The following CSF2RA variants were observed in gnomAD, a reference collection of about 807,000 sequenced individuals.
CSF2RA encodes colony stimulating factor 2 receptor subunit alpha.
CSF2RA carries 42 observed loss-of-function variants against 51.6 expected under a neutral mutation model. The observed-to-expected ratio is 0.81, with a 90% confidence interval of 0.64 to 1.05. The LOEUF is 1.05. Ranked by LOEUF, CSF2RA falls within the 50% of genes least tolerant of loss-of-function variation. The pLI is 0.00. For missense variants in CSF2RA, 530 were observed against 501.1 expected (o/e 1.06, Z -0.55); for synonymous variants, 222 against 193.0 (o/e 1.15, Z -1.24).
Position 1,282,662 on chromosome X carries a change from A to C in CSF2RA, c.-26-16A>C, listed in dbSNP as rs752315463. ...AGAGGCAACCTTCTCACTGTGTGAT[A>C]TTTTCTCTCCTGCAGCTCTTCCCTT... On this transcript the variant is annotated splice_polypyrimidine_tract_variant and intron_variant, in intron 2 of 12. Coordinates refer to ENST00000381529, the MANE Select transcript of CSF2RA (RefSeq NM_172245.4). 1 of 1,560,784 alleles carries C rather than the reference A, an allele frequency of 6.4e-7. No homozygotes were observed. The highest frequency in any genetic ancestry group is 8.8e-7 in the Non-Finnish European group (1 of 1,131,640).
At chrX:1,277,012 C>T (rs1159698861) in intron 2 of CSF2RA, among the ~76,000 whole-genome samples, 4 of 151,204 alleles carry the variant, frequency 2.6e-5, no homozygotes, top group Non-Finnish European at 4.4e-5. Flanking sequence ...GGCAGGAGGA[C>T]CACTTGAACC....
At chrX:1,295,161 C>T (rs755250326) in intron 8 of CSF2RA, among the ~76,000 whole-genome samples, 18 of 151,994 alleles carry the variant, frequency 1.2e-4, no homozygotes, top group Admixed American at 1.1e-3. Context: ...TCTACCTGGA[C>T]GACAGGAGAA....
intron 3 of CSF2RA, 108 bp from the exon 4 acceptor site, chrX:1,285,670 C>G: frequency 7.4e-7 from 1 of 1,354,626 alleles, no homozygotes; most frequent in Non-Finnish European, 1.0e-6. Context: ...GCACTGCACT[C>G]CAGCCTGGGA....
intron 10 of CSF2RA, among the ~76,000 whole-genome samples, chrX:1,301,902 G>GTCCGGGGAAGCTCTCTTCAAAGCCA (rs1307630963): frequency 7.0e-6 from 1 of 141,916 alleles, no homozygotes; most frequent in East Asian, 2.1e-4. Context: ...CACCGTGCCC[G>GTCCGGGGAAGCTCTCTTCAAAGCCA]GCCCTCCCTC....
Position 1,309,566 on chromosome X carries a change from A to G in CSF2RA, c.*87A>G, listed in dbSNP as rs757080238. On this transcript the variant is annotated 3_prime_UTR_variant, in exon 13 of 13. Coordinates refer to ENST00000381529, the MANE Select transcript of CSF2RA (RefSeq NM_172245.4). Reference sequence around the variant, plus strand: ...TCTTGATGATGCTGTGAACCTTTATATCATTTTCTATGTTTTTATTTAAAA... The same window carrying G: ...TCTTGATGATGCTGTGAACCTTTATGTCATTTTCTATGTTTTTATTTAAAA... The G allele has an allele frequency of 6.2e-7, 1 of 1,613,896 alleles. No homozygotes were observed. The highest frequency in any genetic ancestry group is 1.7e-4 in the Middle Eastern group (1 of 6,056).
chrX:1,303,441 T>A (rs2083216873), intron 10 of CSF2RA: 2 of 424,180 alleles, frequency 4.7e-6, no homozygotes, highest in Non-Finnish European at 8.3e-6. Flanking sequence ...GGTTTCACCA[T>A]GTTAGTGAGG....
At chrX:1,287,568 T>G (rs868081697) in intron 4 of CSF2RA, among the ~76,000 whole-genome samples, 1 of 123,092 alleles carries the variant, frequency 8.1e-6, no homozygotes, top group Non-Finnish European at 1.8e-5. Context: ...CTCAGCCTCC[T>G]GAGTAGCTGG....
intron 4 of CSF2RA, among the ~76,000 whole-genome samples, chrX:1,286,570 C>CAA (rs751865388): frequency 7.0e-6 from 1 of 142,804 alleles, no homozygotes; most frequent in Non-Finnish European, 1.5e-5. Context: ...ACTCTGTCTC[C>CAA]AAAAAAAAAA....
intron 4 of CSF2RA, 129 bp from the exon 5 acceptor site, chrX:1,288,387 CGGG>C: frequency 1.1e-6 from 1 of 923,510 alleles, no homozygotes; most frequent in East Asian, 2.8e-5. Context: ...GAGGCTGAGG[CGGG>C]AGAATTGCTT....
the CSF2RA span, among the ~76,000 whole-genome samples, chrX:1,322,846 T>C: frequency 6.6e-6 from 1 of 151,968 alleles, no homozygotes; most frequent in Non-Finnish European, 1.5e-5. Flanking sequence ...AATCTGAAGA[T>C]TGGCCGGGCG....
At chrX:1,302,133 C>T (rs1490420191) in intron 10 of CSF2RA, among the ~76,000 whole-genome samples, 2 of 151,592 alleles carry the variant, frequency 1.3e-5, no homozygotes, top group East Asian at 3.9e-4. Context: ...TCAGGCTGTT[C>T]TTGAACTCCT....
intron 2 of CSF2RA, among the ~76,000 whole-genome samples, chrX:1,281,411 ACTC>A (rs2090049160): frequency 8.5e-5 from 1 of 11,738 alleles, no homozygotes; most frequent in African/African-American, 4.3e-4. Context: ...GCCTTCTCCT[ACTC>A]CTCCTTCTCC....
rs187356118 is a variant in CSF2RA at position 1,296,144 on chromosome X, C to G, written c.810+688C>G. The stretch of plus-strand genomic sequence containing the variant: ...AAACCTACAGTCCCCTACCCATGAC[C>G]CCTGGAGTAACCCTACAGTCCCCTA... On this transcript the variant is annotated intron_variant, in intron 9 of 12. Coordinates refer to ENST00000381529, the MANE Select transcript of CSF2RA (RefSeq NM_172245.4). 1.1e-3 allele frequency among the ~76,000 whole-genome samples: 174 copies of G among 151,414 alleles called. 1 individual carries two copies. Among genetic ancestry groups the G allele is most frequent in the African/African-American group, 4.1e-3 (169 of 41,208 alleles).
chrX:1,316,569 C>G, the CSF2RA span, among the ~76,000 whole-genome samples: 1 of 152,282 alleles, frequency 6.6e-6, no homozygotes, highest in South Asian at 2.1e-4. Context: ...GTCTAACAAG[C>G]GACAGGAGAA....
At position 1,278,723 on chromosome X, in the gene CSF2RA, A is replaced by G. The variant is rs147546219; in HGVS notation, c.-27+3905A>G. 2.8e-3 allele frequency among the ~76,000 whole-genome samples: 416 copies of G among 147,152 alleles called. 8 individuals are homozygous for G. Among genetic ancestry groups the G allele is most frequent in the African/African-American group, 9.5e-3 (382 of 40,044 alleles). On this transcript the variant is annotated intron_variant, in intron 2 of 12. Transcript: ENST00000381529. ...ATTCAGGGCAAGCAAGTTTATTATG[A>G]AAGTAAAATAGTGAAAGACTAGGTA...
chrX:1,275,283 C>A (rs1216510916), intron 2 of CSF2RA, among the ~76,000 whole-genome samples: 1 of 151,764 alleles, frequency 6.6e-6, no homozygotes, highest in Non-Finnish European at 1.5e-5. Flanking sequence ...CCCAGCTACT[C>A]CGGAGGCCGA....
downstream of CSF2RA, among the ~76,000 whole-genome samples, chrX:1,314,948 T>TCTGTGCCTGCCCAATCCCA (rs2084492471): frequency 2.9e-5 from 1 of 35,040 alleles, no homozygotes; most frequent in African/African-American, 1.2e-4. Flanking sequence ...GCCCAACCCC[T>TCTGTGCCTGCCCAATCCCA]CTGTGCCTGC....
chrX:1,309,707 T>C lies in CSF2RA; in HGVS notation c.*228T>C. ...TTCAAGACCAGCCTGCCCAACATGGTGAAACCCCATCTGGACTAAAAATGC... is the reference window on the plus strand; with the variant it reads ...TTCAAGACCAGCCTGCCCAACATGGCGAAACCCCATCTGGACTAAAAATGC... On this transcript the variant is annotated 3_prime_UTR_variant, in exon 13 of 13. Coordinates refer to ENST00000381529, the MANE Select transcript of CSF2RA (RefSeq NM_172245.4). 1.0e-6 allele frequency: 1 copy of C among 956,802 alleles called. No individual in the cohort carries two copies. The highest frequency in any genetic ancestry group is 1.7e-6 in the Non-Finnish European group (1 of 591,710). 59.3% of individuals were successfully genotyped at this position (956,802 alleles called of 1,614,324 possible).
the CSF2RA span, among the ~76,000 whole-genome samples, chrX:1,323,831 G>T: frequency 1.3e-5 from 2 of 151,574 alleles, no homozygotes; most frequent in Non-Finnish European, 1.5e-5. Flanking sequence ...TGGCTAACAC[G>T]GTGAAACCCC....
Sources: gnomAD v4.1 joint callset for allele counts (sites outside exome capture counted in the v4.1 genomes callset) on GRCh38, gnomAD v4.1.1 for gene constraint, MANE v1.5 for transcripts, NCBI Gene and HGNC (gene_info 2026-07-23, HGNC 2026-07-21) for gene names.